The following SHISA6 variants were observed in gnomAD, a reference collection of about 807,000 sequenced individuals.
The protein encoded by SHISA6 is shisa family member 6.
A neutral mutation model predicts 47.9 loss-of-function variants in SHISA6; 22 were observed. The ratio of observed to expected loss-of-function variants is 0.46; its 90% CI spans 0.33 to 0.66. The LOEUF (loss-of-function observed/expected upper bound fraction) is 0.66, where lower values mean the gene tolerates loss of function less well. SHISA6 is among the 30% of genes least tolerant of loss of function. The pLI is 0.02. For missense variants in SHISA6, 680 were observed against 764.6 expected, an observed-to-expected ratio of 0.89 and a Z score of 1.30; for synonymous variants, 388 against 337.8, an observed-to-expected ratio of 1.15 and a Z score of -1.63.
intron 3 of SHISA6, among the ~76,000 whole-genome samples, chr17:11,541,797 C>G (rs1047596088): frequency 6.6e-6 from 1 of 152,130 alleles, no homozygotes; most frequent in Non-Finnish European, 1.5e-5. Context: ...TCTCCACTTC[C>G]CTCTAACATC....
At chr17:11,308,196 G>A (rs574213459) in intron 2 of SHISA6, among the ~76,000 whole-genome samples, 16 of 152,268 alleles carry the variant, frequency 1.1e-4, no homozygotes, top group African/African-American at 3.9e-4. Flanking sequence ...CGAACCATCT[G>A]CCCTGAATTT....
intron 2 of SHISA6, among the ~76,000 whole-genome samples, chr17:11,307,791 T>C (rs1910177341): frequency 6.6e-6 from 1 of 152,262 alleles, no homozygotes; most frequent in South Asian, 2.1e-4. Context: ...GTACATGCTA[T>C]GGAGAAAAAT....
At chr17:11,474,341 G>T (rs181168242) in intron 3 of SHISA6, among the ~76,000 whole-genome samples, 5 of 148,180 alleles carry the variant, frequency 3.4e-5, no homozygotes, top group South Asian at 2.1e-4. Context: ...TTTCATGTTT[G>T]TTGGCCACAT....
intron 3 of SHISA6, among the ~76,000 whole-genome samples, chr17:11,388,839 T>TATATATATATATATATA (rs1555532195): frequency 9.8e-6 from 1 of 102,306 alleles, no homozygotes; most frequent in African/African-American, 4.3e-5. Context: ...TATATATATA[T>TATATATATATATATATA]ATTTTAAAAA....
At chr17:11,307,646 G>A (rs1242863259) in intron 2 of SHISA6, among the ~76,000 whole-genome samples, 2 of 152,172 alleles carry the variant, frequency 1.3e-5, no homozygotes, top group Admixed American at 6.5e-5. Context: ...CATGGAAGAC[G>A]GGGAGAATGG....
At chr17:11,462,037 G>C (rs982083215) in intron 3 of SHISA6, among the ~76,000 whole-genome samples, 1 of 152,166 alleles carries the variant, frequency 6.6e-6, no homozygotes, top group African/African-American at 2.4e-5. Context: ...GTAAGCCTTA[G>C]AGAAATGCAA....
chr17:11,404,033 A>C (rs1913864421), intron 3 of SHISA6, among the ~76,000 whole-genome samples: 1 of 152,204 alleles, frequency 6.6e-6, no homozygotes, highest in African/African-American at 2.4e-5. Flanking sequence ...ATGAGGGCTG[A>C]GGTACTGCTC....
chr17:11,291,290 G>A (rs1342486653), intron 2 of SHISA6, among the ~76,000 whole-genome samples: 6 of 151,462 alleles, frequency 4.0e-5, no homozygotes, highest in African/African-American at 1.2e-4. Context: ...GGGCAGAGAC[G>A]GCCTCTGCAT....
chr17:11,411,297 C>T (rs562929467), intron 3 of SHISA6, among the ~76,000 whole-genome samples: 92 of 151,896 alleles, frequency 6.1e-4, no homozygotes, highest in African/African-American at 2.1e-3. Context: ...CTCTCCCACT[C>T]TTGATCTCTC....
chr17:11,285,147 T>C (rs1440571805), intron 2 of SHISA6, among the ~76,000 whole-genome samples: 1 of 152,262 alleles, frequency 6.6e-6, no homozygotes, highest in South Asian at 2.1e-4. Context: ...ACCCCAGAAG[T>C]AAGTCTTCCT....
At chr17:11,297,311 C>T (rs762756017) in intron 2 of SHISA6, among the ~76,000 whole-genome samples, 1 of 152,050 alleles carries the variant, frequency 6.6e-6, no homozygotes, top group Non-Finnish European at 1.5e-5. Context: ...AGGGAGACCT[C>T]GAGTAGCAGT....
intron 3 of SHISA6, among the ~76,000 whole-genome samples, chr17:11,446,186 A>T (rs1469146859): frequency 6.6e-6 from 1 of 152,208 alleles, no homozygotes; most frequent in African/African-American, 2.4e-5. Flanking sequence ...ATCCAAACCA[A>T]GGAAGATCAA....
intron 2 of SHISA6, among the ~76,000 whole-genome samples, chr17:11,332,588 C>G (rs976490540): frequency 6.6e-6 from 1 of 152,116 alleles, no homozygotes; most frequent in South Asian, 2.1e-4. Context: ...AGGGAGAGAA[C>G]CGTGAGCCTG....
At chr17:11,504,604 G>T (rs957705171) in intron 3 of SHISA6, among the ~76,000 whole-genome samples, 1 of 152,130 alleles carries the variant, frequency 6.6e-6, no homozygotes, top group African/African-American at 2.4e-5. Context: ...GAAAAGAAGT[G>T]GGGGGTATTG....
At position 11,562,923 on chromosome 17, in the gene SHISA6, C is replaced by A. The variant is rs1034063109; in HGVS notation, c.*4619C>A. 3 of 152,296 alleles carry A rather than the reference C, an allele frequency of 2.0e-5. No homozygotes were observed. Among genetic ancestry groups the A allele is most frequent in the African/African-American group, 7.2e-5 (3 of 41,456 alleles). 9.4% of individuals were successfully genotyped at this position (152,296 alleles called of 1,614,324 possible). A position where few individuals can be genotyped will look rare whatever the true frequency, so the allele number is the denominator to read the frequency against. On this transcript the variant is annotated 3_prime_UTR_variant, in exon 6 of 6. Transcript: ENST00000441885. ...TCGGCCACCCAGGGATGCCCTCGTA[C>A]CTGAAGTTTAAGGGCCTAACCATTC...
chr17:11,417,448 G>T (rs781408505), intron 3 of SHISA6, among the ~76,000 whole-genome samples: 1 of 152,196 alleles, frequency 6.6e-6, no homozygotes, highest in Non-Finnish European at 1.5e-5. Context: ...TAACCAGCTA[G>T]ATGGTGTTTT....
intron 1 of SHISA6, among the ~76,000 whole-genome samples, chr17:11,261,316 T>A (rs1222072293): frequency 6.6e-6 from 1 of 152,208 alleles, no homozygotes; most frequent in Non-Finnish European, 1.5e-5. Context: ...GTGGCAGGGT[T>A]CCCATCCTTA....
chr17:11,512,172 G>A (rs960921137), intron 3 of SHISA6, among the ~76,000 whole-genome samples: 1 of 152,208 alleles, frequency 6.6e-6, no homozygotes, highest in Non-Finnish European at 1.5e-5. Flanking sequence ...CTTGAATGAG[G>A]TTTTGATGAC....
chr17:11,489,041 A>G (rs1196323960), intron 3 of SHISA6, among the ~76,000 whole-genome samples: 1 of 152,076 alleles, frequency 6.6e-6, no homozygotes, highest in Non-Finnish European at 1.5e-5. Context: ...CTCCTTGTCT[A>G]GATTCTCTCT....
Sources: gnomAD v4.1 joint callset for allele counts (sites outside exome capture counted in the v4.1 genomes callset) on GRCh38, gnomAD v4.1.1 for gene constraint, MANE v1.5 for transcripts, NCBI Gene and HGNC (gene_info 2026-07-23, HGNC 2026-07-21) for gene names.